Variants in TJAP1 observed in about 807,000 individuals in gnomAD.
The protein encoded by TJAP1 is tight junction-associated protein 1.
In TJAP1, 27 loss-of-function variants were observed where a neutral mutation model predicts 42.0. That is an observed-to-expected ratio of 0.64 (90% confidence interval 0.47 to 0.89). The LOEUF is 0.89. TJAP1 is among the 40% of genes least tolerant of loss of function. The pLI, the probability that TJAP1 is intolerant of heterozygous loss-of-function variation, is 0.00. For synonymous variants in TJAP1, 257 were observed against 288.4 expected (o/e 0.89, Z 1.10); for missense variants, 712 against 726.9 (o/e 0.98, Z 0.24).
rs988392763 is a variant in TJAP1 at position 43,505,704 on chromosome 6, A to G, written c.1523A>G (p.Glu508Gly). ...CTGCCCATTAACAGGGGCACAGAGGAGGGGCCAGGCACTTCCCACACCGAG... is the reference window on the plus strand; with the variant it reads ...CTGCCCATTAACAGGGGCACAGAGGGGGGGCCAGGCACTTCCCACACCGAG... Residue 508 changes from glutamate (E) to glycine (G), a missense_variant, in exon 11 of 11, where the codon GAG (glutamate) becomes GGG (glycine). Physicochemically the swap from Glu to Gly is moderately conservative, Grantham distance 98. Coordinates refer to ENST00000372449, the Ensembl canonical transcript of TJAP1. This position sits in a 1 kb window ranked among gnomAD's most constrained non-coding sequence, Gnocchi z 5.5. 1.2e-5 allele frequency: 19 copies of G among 1,593,704 alleles called. No individual in the cohort carries two copies. The highest frequency in any genetic ancestry group is 1.5e-5 in the Non-Finnish European group (18 of 1,168,224).
At position 43,493,914 on chromosome 6, in the gene TJAP1, A is replaced by C. The variant is rs367798414; in HGVS notation, c.-121-3967A>C. Among the ~76,000 whole-genome samples the C allele has an allele frequency of 1.1e-4, 16 of 152,302 alleles. No individual in the cohort carries two copies. The East Asian group carries it at 2.9e-3, about 28-fold the overall frequency. The stretch of plus-strand genomic sequence containing the variant: ...AGTCCCACCTCCTGGTTAAAGAGTG[A>C]TGCTTGGCAAATTTTTTTCCTTTTA... On this transcript the variant is annotated intron_variant, in intron 2 of 10. Transcript: ENST00000372449.
At position 43,494,290 on chromosome 6, in the gene TJAP1, C is replaced by T. The variant is rs368110409; in HGVS notation, c.-121-3591C>T. On this transcript the variant is annotated intron_variant, in intron 2 of 10. Transcript: ENST00000372449. ...GAGTAAGCAAAGAATGAATGCTATG[C>T]AGAGCATGGCAGAAGCTGGGGTTGG... Among the ~76,000 whole-genome samples, 4 of 152,270 alleles carry T rather than the reference C, an allele frequency of 2.6e-5. No individual in the cohort carries two copies. The East Asian group carries it at 7.7e-4, about 29-fold the overall frequency.
intron 2 of TJAP1, among the ~76,000 whole-genome samples, chr6:43,486,401 T>G (rs368484540): frequency 2.8e-5 from 4 of 141,330 alleles, no homozygotes; most frequent in African/African-American, 1.1e-4. Context: ...TGTCGCCCAG[T>G]TGGGAGTGCA....
At chr6:43,503,102 G>A in intron 8 of TJAP1, 2 of 485,730 alleles carry the variant, frequency 4.1e-6, no homozygotes, top group South Asian at 2.4e-5. Context: ...TGAGGTACCA[G>A]CTGCCTTGCC....
chr6:43,501,890 GCC>G (rs1491246722), intron 6 of TJAP1, among the ~76,000 whole-genome samples: 7 of 55,406 alleles, frequency 1.3e-4, no homozygotes, highest in Admixed American at 6.5e-4. Flanking sequence ...GGAATGCGGG[GCC>G]ACACACACAC....
chr6:43,482,368 A>G (rs542489440), intron 2 of TJAP1, among the ~76,000 whole-genome samples: 1 of 152,240 alleles, frequency 6.6e-6, no homozygotes, highest in Non-Finnish European at 1.5e-5. Context: ...TCACCACCAT[A>G]TTTTGAATGC....
intron 2 of TJAP1, among the ~76,000 whole-genome samples, chr6:43,485,297 T>A (rs1439714318): frequency 6.6e-6 from 1 of 152,194 alleles, no homozygotes; most frequent in Non-Finnish European, 1.5e-5. Context: ...GCTTTAATGG[T>A]CTTCCTGTGC....
intron 2 of TJAP1, among the ~76,000 whole-genome samples, chr6:43,485,424 A>G (rs758603896): frequency 3.9e-5 from 6 of 152,184 alleles, no homozygotes; most frequent in Non-Finnish European, 7.3e-5. Context: ...TAGAGCCCCA[A>G]TTGCTAACAA....
chr6:43,495,890 C>G lies in TJAP1; in HGVS notation c.-121-1991C>G, dbSNP rs1053027816. ...GGCTGCAGGGTGTGGAGTGAAGCAG[C>G]CTTCCCTACAGGATTGCTGGACACC... On this transcript the variant is annotated intron_variant, in intron 2 of 10. Transcript: ENST00000372449. This position sits in a 1 kb window ranked among gnomAD's most constrained non-coding sequence, Gnocchi z 4.6. 2.0e-5 allele frequency among the ~76,000 whole-genome samples: 3 copies of G among 152,140 alleles called. No homozygotes were observed. The highest frequency in any genetic ancestry group is 4.4e-5 in the Non-Finnish European group (3 of 68,018).
chr6:43,487,861 C>T (rs1176178014), intron 2 of TJAP1, among the ~76,000 whole-genome samples: 2 of 150,320 alleles, frequency 1.3e-5, no homozygotes, highest in Non-Finnish European at 2.9e-5. Context: ...ATCTTGTACC[C>T]TTCTAGTAGT....
intron 2 of TJAP1, among the ~76,000 whole-genome samples, chr6:43,487,392 A>G (rs1244374686): frequency 2.0e-5 from 3 of 152,200 alleles, no homozygotes; most frequent in Non-Finnish European, 4.4e-5. Flanking sequence ...AGGGAACTGA[A>G]TCTCAGAAGT....
chr6:43,502,734 T>G (rs1791242320), intron 8 of TJAP1, 117 bp downstream of exon 8: 3 of 1,168,842 alleles, frequency 2.6e-6, no homozygotes, highest in Non-Finnish European at 3.8e-6. Flanking sequence ...CTCCTTTCTC[T>G]TCCCTGTATG....
chr6:43,491,591 G>A lies in TJAP1; in HGVS notation c.-121-6290G>A, dbSNP rs890472297. On this transcript the variant is annotated intron_variant, in intron 2 of 10. Coordinates refer to ENST00000372449, the Ensembl canonical transcript of TJAP1. The surrounding 1 kb of genome is among the most constrained non-coding windows in gnomAD (Gnocchi z 4.6). ...AGGTATGAGCCACTGTGCCTGGCCCGATGAGAAATATCTTGATGAAAATGC... is the reference window on the plus strand; with the variant it reads ...AGGTATGAGCCACTGTGCCTGGCCCAATGAGAAATATCTTGATGAAAATGC... 1.3e-5 allele frequency among the ~76,000 whole-genome samples: 2 copies of A among 152,130 alleles called. No homozygotes were observed. The highest frequency in any genetic ancestry group is 2.9e-5 in the Non-Finnish European group (2 of 68,032).
At chr6:43,497,143 G>A (rs971623024) in intron 2 of TJAP1, 1 of 152,210 alleles carries the variant, frequency 6.6e-6, no homozygotes, top group Non-Finnish European at 1.5e-5. Flanking sequence ...CCCTATGGTT[G>A]TGGGATGACC....
rs1791453084 is a variant in TJAP1 at position 43,503,527 on chromosome 6, T to A, written c.495+19T>A. On this transcript the variant is annotated intron_variant, in intron 9 of 10. Transcript: ENST00000372449. Reference sequence around the variant, plus strand: ...GCTCAATGTATGTGCGCTTCACTACTCGGGCCTTCCTCACCTGGGGCTAGC... The same window carrying A: ...GCTCAATGTATGTGCGCTTCACTACACGGGCCTTCCTCACCTGGGGCTAGC... 6.2e-7 allele frequency: 1 copy of A among 1,612,382 alleles called. No homozygotes were observed. The highest frequency in any genetic ancestry group is 8.5e-7 in the Non-Finnish European group (1 of 1,178,410).
At chr6:43,489,740 G>T (rs1787387166) in intron 2 of TJAP1, 1 of 152,204 alleles carries the variant, frequency 6.6e-6, no homozygotes, top group South Asian at 2.1e-4. Flanking sequence ...TGGTTGGCAG[G>T]GGGAGTGCTT....
exon 11 of TJAP1, chr6:43,506,052 T>A: frequency 2.2e-6 from 1 of 453,920 alleles, no homozygotes; most frequent in Admixed American, 3.9e-5. Flanking sequence ...GCAGCTTGCC[T>A]CATGGTTTTC....
At chr6:43,494,435 G>T (rs1206152947) in intron 2 of TJAP1, among the ~76,000 whole-genome samples, 1 of 152,126 alleles carries the variant, frequency 6.6e-6, no homozygotes, top group Non-Finnish European at 1.5e-5. Context: ...AACACTGCCT[G>T]CAGGTCCAGC....
At chr6:43,499,128 C>T (rs1582059646) in intron 4 of TJAP1, 28 bp downstream of exon 4, 4 of 1,611,576 alleles carry the variant, frequency 2.5e-6, no homozygotes, top group Middle Eastern at 1.7e-4. Flanking sequence ...CACAGCCTGA[C>T]CGGCAGAGGC....
Sources: allele counts gnomAD v4.1 joint callset (sites outside exome capture counted in the v4.1 genomes callset), GRCh38; gene constraint gnomAD v4.1.1; non-coding constraint Gnocchi (gnomAD v3.1); transcripts MANE v1.5; gene names NCBI Gene and HGNC (gene_info 2026-07-23, HGNC 2026-07-21).